COL28A1: variants seen among roughly 807,000 people sequenced by gnomAD.
COL28A1 encodes collagen type XXVIII alpha 1 chain.
In COL28A1, 161 loss-of-function variants were observed where a neutral mutation model predicts 150.2. That is an observed-to-expected ratio of 1.07 (90% CI 0.94 to 1.22). The LOEUF is 1.22. Among genes scored for constraint, COL28A1 ranks in the 50% most tolerant of loss-of-function variants. The pLI is 0.00. For missense variants in COL28A1, 1,617 were observed against 1,388.3 expected (o/e 1.16, Z -2.62); for synonymous variants, 552 against 469.7 (o/e 1.18, Z -2.26).
intron 20 of COL28A1, among the ~76,000 whole-genome samples, chr7:7,442,289 G>T (rs1427378177): frequency 6.6e-6 from 1 of 152,086 alleles, no homozygotes; most frequent in African/African-American, 2.4e-5. Flanking sequence ...CTATTCTGTA[G>T]AGTTGTTGTT....
intron 3 of COL28A1, among the ~76,000 whole-genome samples, chr7:7,525,206 G>A (rs1232797913): frequency 6.6e-6 from 1 of 152,202 alleles, no homozygotes; most frequent in African/African-American, 2.4e-5. Context: ...CTCAACTGAG[G>A]TAACACACTT....
chr7:7,487,367 C>T (rs2128366303), intron 13 of COL28A1, among the ~76,000 whole-genome samples: 1 of 152,208 alleles, frequency 6.6e-6, no homozygotes, highest in Admixed American at 6.5e-5. Flanking sequence ...CACCTGAGGT[C>T]AGGAGTTCGA....
upstream of COL28A1, among the ~76,000 whole-genome samples, chr7:7,540,064 CCA>C (rs1782758434): frequency 7.8e-6 from 1 of 128,794 alleles, no homozygotes; most frequent in South Asian, 2.4e-4. Context: ...TTATTTTAGA[CCA>C]AAAATAAATC....
At position 7,507,156 on chromosome 7, in the gene COL28A1, G is replaced by T; in HGVS notation, c.933C>A (p.Ser311=). 8.2e-7 allele frequency: 1 copy of T among 1,214,870 alleles called. No individual in the cohort carries two copies. The highest frequency in any genetic ancestry group is 1.2e-6 in the Non-Finnish European group (1 of 819,322). 75.3% of individuals were successfully genotyped at this position (1,214,870 alleles called of 1,614,324 possible). ...GTCCCTTTGGTCCATATGGCCCTGG[G>T]GATCCCTGTGGAATAAAATTGAAAA... ...GKPGIKGDKG[S]PGPYGPKGPR... The change falls in exon 10 of 35, where the codon TCC becomes TCA. Residue 311 remains serine, a synonymous_variant. Transcript: ENST00000399429.
chr7:7,464,066 A>C (rs1421288290), intron 15 of COL28A1, among the ~76,000 whole-genome samples: 1 of 152,232 alleles, frequency 6.6e-6, no homozygotes, highest in Non-Finnish European at 1.5e-5. Context: ...AAGATAAAGA[A>C]GGTCATTATA....
At chr7:7,430,552 TAATC>T (rs1784904774) in intron 25 of COL28A1, among the ~76,000 whole-genome samples, 1 of 152,212 alleles carries the variant, frequency 6.6e-6, no homozygotes, top group Non-Finnish European at 1.5e-5. Context: ...AAATTCATAA[TAATC>T]TACTCTGTGA....
At position 7,429,019 on chromosome 7, in the gene COL28A1, G is replaced by T. The variant is rs575037510; in HGVS notation, c.1998+3454C>A. Among the ~76,000 whole-genome samples the T allele has an allele frequency of 3.3e-5, 5 of 152,260 alleles. No individual in the cohort carries two copies. In the East Asian group the frequency reaches 9.6e-4, roughly 29 times the overall value. On this transcript the variant is annotated intron_variant, in intron 25 of 34. Transcript: ENST00000399429. ...CACAGAAGCTTTGAGTTTAATGTCT[G>T]TGTCATATGCTAAACACATGTGACC...
Position 7,490,634 on chromosome 7 carries a change from G to T in COL28A1, c.1039C>A (p.Pro347Thr). 2.3e-6 allele frequency: 3 copies of T among 1,320,086 alleles called. No individual in the cohort carries two copies. Among genetic ancestry groups the T allele is most frequent in the Non-Finnish European group, 3.3e-6 (3 of 912,786 alleles). 81.8% of individuals were successfully genotyped at this position (1,320,086 alleles called of 1,614,324 possible). A position where few individuals can be genotyped will look rare whatever the true frequency, so the allele number is the denominator to read the frequency against. The change falls in exon 12 of 35, where the codon CCT becomes ACT. Residue 347 changes from proline (P) to threonine (T), a missense_variant. Transcript: ENST00000399429. ...GFQGNKGEPG[P>T]PGPYGSPGAP... ...CCTGGAGAACCATAAGGACCAGGAG[G>T]ACCTGGCTCACCCTGGAGGAAGAAA...
chr7:7,501,899 C>G (rs141357451), intron 11 of COL28A1, among the ~76,000 whole-genome samples: 3 of 151,978 alleles, frequency 2.0e-5, no homozygotes. Context: ...TGAGACGTTC[C>G]GTTTTTTTTC....
At chr7:7,352,353 A>G (rs943389368), downstream of COL28A1, among the ~76,000 whole-genome samples, 3 of 152,182 alleles carry the variant, frequency 2.0e-5, no homozygotes, top group African/African-American at 7.2e-5. Flanking sequence ...GGCCCCAGAG[A>G]TGTCTGCTCC....
chr7:7,402,470 G>A (rs890086503), intron 27 of COL28A1, among the ~76,000 whole-genome samples: 2 of 152,158 alleles, frequency 1.3e-5, no homozygotes, highest in Non-Finnish European at 2.9e-5. Context: ...ATTAGCAAAT[G>A]AGAGACTGCA....
intron 25 of COL28A1, among the ~76,000 whole-genome samples, chr7:7,426,377 T>A (rs1303718625): frequency 2.0e-5 from 3 of 152,224 alleles, no homozygotes; most frequent in Middle Eastern, 3.2e-3. Context: ...ACCTCTAGAA[T>A]ACCTCACTCG....
chr7:7,500,380 A>G (rs925632727), intron 11 of COL28A1, among the ~76,000 whole-genome samples: 4 of 152,228 alleles, frequency 2.6e-5, no homozygotes, highest in Non-Finnish European at 4.4e-5. Context: ...GCAAAGCAGA[A>G]TTTTTGAATC....
intron 20 of COL28A1, among the ~76,000 whole-genome samples, chr7:7,441,770 GA>G (rs1040671862): frequency 7.2e-5 from 11 of 152,180 alleles, no homozygotes; most frequent in African/African-American, 2.6e-4. Context: ...CACACTTTGA[GA>G]ATCATTAGAC....
Position 7,525,846 on chromosome 7 carries a change from T to A in COL28A1, c.682-1597A>T, listed in dbSNP as rs146918425. On this transcript the variant is annotated intron_variant, in intron 3 of 34. Transcript: ENST00000399429. ...AGTCATACAATCCTTCCAGGTAATTTTCTCCATATATAAAAAAGGACAAAG... is the reference window on the plus strand; with the variant it reads ...AGTCATACAATCCTTCCAGGTAATTATCTCCATATATAAAAAAGGACAAAG... 1.4e-3 allele frequency among the ~76,000 whole-genome samples: 206 copies of A among 152,308 alleles called. 1 individual carries two copies. Among genetic ancestry groups the A allele is most frequent in the African/African-American group, 4.8e-3 (201 of 41,576 alleles).
chr7:7,493,614 G>C (rs760010161), intron 11 of COL28A1, among the ~76,000 whole-genome samples: 2 of 152,006 alleles, frequency 1.3e-5, no homozygotes, highest in Non-Finnish European at 2.9e-5. Flanking sequence ...GTATCTCAAG[G>C]TAGGATCCAC....
chr7:7,506,961 T>C (rs1216790169), intron 10 of COL28A1, among the ~76,000 whole-genome samples, 156 bp downstream of exon 10: 1 of 152,184 alleles, frequency 6.6e-6, no homozygotes, highest in African/African-American at 2.4e-5. Flanking sequence ...TATTGCACAT[T>C]GTAATCTTCT....
At chr7:7,424,997 G>A (rs1784580118) in intron 25 of COL28A1, among the ~76,000 whole-genome samples, 1 of 152,006 alleles carries the variant, frequency 6.6e-6, no homozygotes, top group Non-Finnish European at 1.5e-5. Flanking sequence ...AATGAAAGAA[G>A]AAAGAGGAGA....
chr7:7,375,218 A>T (rs1486937314), intron 31 of COL28A1, among the ~76,000 whole-genome samples: 1 of 152,212 alleles, frequency 6.6e-6, no homozygotes, highest in Non-Finnish European at 1.5e-5. Flanking sequence ...GGCTGCCTAC[A>T]TACCCTAGGC....
Sources: allele counts gnomAD v4.1 joint callset (sites outside exome capture counted in the v4.1 genomes callset), GRCh38; gene constraint gnomAD v4.1.1; transcripts MANE v1.5; gene names NCBI Gene and HGNC (gene_info 2026-07-23, HGNC 2026-07-21).